The following SPTBN2 variants were observed in gnomAD, a reference collection of about 807,000 sequenced individuals.
SPTBN2 encodes the protein spectrin beta, non-erythrocytic 2.
A neutral mutation model predicts 284.2 loss-of-function variants in SPTBN2; 107 were observed. That is an observed-to-expected ratio of 0.38 (90% confidence interval 0.32 to 0.44). SPTBN2 has a LOEUF of 0.44. Ranked by LOEUF, SPTBN2 falls within the 20% of genes least tolerant of loss-of-function variation. The probability of loss-of-function intolerance (pLI) is 1.00; values close to 1 mark genes in which losing one functional copy is unlikely to be tolerated. For missense variants in SPTBN2, 2,569 were observed against 3,287.1 expected (o/e 0.78, Z 5.34); for synonymous variants, 1,289 against 1,354.8 (o/e 0.95, Z 1.07).
chr11:66,701,423 C>A, intron 16 of SPTBN2, 141 bp from the exon 17 acceptor site: 1 of 1,478,250 alleles, frequency 6.8e-7, no homozygotes. Context: ...TTGACCCCCT[C>A]TCTCATCTCT....
chr11:66,719,443 T>G (rs1392672057), intron 3 of SPTBN2, among the ~76,000 whole-genome samples: 1 of 152,252 alleles, frequency 6.6e-6, no homozygotes, highest in East Asian at 1.9e-4. Flanking sequence ...CAGTGTTTAT[T>G]TGACACCTAC....
Position 66,708,863 on chromosome 11 carries a change from C to T in SPTBN2, c.1191+39G>A. The T allele has an allele frequency of 6.4e-7, 1 of 1,566,638 alleles. No homozygotes were observed. Among genetic ancestry groups the T allele is most frequent in the East Asian group, 2.2e-5 (1 of 44,594 alleles). ...TGTGTGCAAGGCATCTGGGCCAGGG[C>T]CTGCCCTGAGGGTGGGTGGCCTGTG... On this transcript the variant is annotated intron_variant, in intron 11 of 37. Transcript: ENST00000533211. The surrounding 1 kb of genome is among the most constrained non-coding windows in gnomAD (Gnocchi z 4.4).
At chr11:66,701,896 GAACCCAC>G (rs1208242178) in intron 15 of SPTBN2, among the ~76,000 whole-genome samples, 175 bp from the exon 16 acceptor site, 1 of 151,944 alleles carries the variant, frequency 6.6e-6, no homozygotes, top group Non-Finnish European at 1.5e-5. Flanking sequence ...ATCAAGGAAG[GAACCCAC>G]AACTCCCCCA....
Position 66,687,158 on chromosome 11 carries a change from C to T in SPTBN2, c.6732G>A (p.Gln2244=). Residue 2244 remains glutamine (Q), a synonymous_variant, in exon 36 of 38, where the codon CAG becomes CAA. Transcript: ENST00000533211. This position sits in a 1 kb window ranked among gnomAD's most constrained non-coding sequence, Gnocchi z 5.2. ...CACGCCGCAGGACACAGTACACGTT[C>T]TGCCAGGACCTGCGAGGGACGCGGT... ...FGKKAANRSW[Q]NVYCVLRRGS... The T allele has an allele frequency of 6.2e-7, 1 of 1,613,936 alleles. No individual in the cohort carries two copies. Among genetic ancestry groups the T allele is most frequent in the Non-Finnish European group, 8.5e-7 (1 of 1,180,026 alleles).
chr11:66,718,423 A>G lies in SPTBN2; in HGVS notation c.158-2442T>C, dbSNP rs912655640. Among the ~76,000 whole-genome samples the G allele has an allele frequency of 6.6e-6, 1 of 152,164 alleles. No homozygotes were observed. The highest frequency in any genetic ancestry group is 2.1e-4 in the South Asian group (1 of 4,832). On this transcript the variant is annotated intron_variant, in intron 3 of 37. Coordinates refer to ENST00000533211, the MANE Select transcript of SPTBN2 (RefSeq NM_006946.4). The surrounding 1 kb of genome is among the most constrained non-coding windows in gnomAD (Gnocchi z 4.8). The stretch of plus-strand genomic sequence containing the variant: ...CTCGCCCAGGCACAGTCGTCCCCAC[A>G]GGGGGCCCCCGGGCCTCACCTTGCA...
intron 18 of SPTBN2, 29 bp downstream of exon 18, chr11:66,699,377 C>T (rs774748450): frequency 6.2e-7 from 1 of 1,610,692 alleles, no homozygotes. Context: ...CCCCTGGGAA[C>T]CCTAATTCAT....
Position 66,705,348 on chromosome 11 carries a change from A to G in SPTBN2, c.1928T>C (p.Leu643Pro). 6.2e-7 allele frequency: 1 copy of G among 1,611,354 alleles called. No homozygotes were observed. Residue 643 changes from leucine (L) to proline (P), a missense_variant, in exon 15 of 38, where the codon CTC (leucine) becomes CCC (proline). By Grantham distance (98) the Leu-to-Pro change is moderately conservative. Coordinates refer to ENST00000533211, the MANE Select transcript of SPTBN2 (RefSeq NM_006946.4). ...RRARLEESRR[L>P]WRFLWEVGEA... Reference sequence around the variant, plus strand: ...ACCCACCTCCCAGAGGAAACGCCAGAGCCGCCGTGATTCCTCCAGCCGGGC... The same window carrying G: ...ACCCACCTCCCAGAGGAAACGCCAGGGCCGCCGTGATTCCTCCAGCCGGGC...
chr11:66,693,512 C>T lies in SPTBN2; in HGVS notation c.4594-66G>A, dbSNP rs1187787332. ...CCCAGCCCCACGTGCTCCCGGAGAC[C>T]ACCCTTCACCCCTGTGCCTCTCTCC... On this transcript the variant is annotated intron_variant, in intron 23 of 37. Transcript: ENST00000533211. The surrounding 1 kb of genome is among the most constrained non-coding windows in gnomAD (Gnocchi z 5.7). 7 of 1,549,050 alleles carry T rather than the reference C, an allele frequency of 4.5e-6. No homozygotes were observed. Among genetic ancestry groups the T allele is most frequent in the South Asian group, 1.2e-5 (1 of 85,546 alleles).
rs140181639 is a variant in SPTBN2, at chr11:66,727,433, G to A, written c.-114+1308C>T. ...AAGCATGCAATGTCCTGGGGTCAAT[G>A]GGGTAAAGTTCCAAGCGAGTGGAAG... On this transcript the variant is annotated intron_variant, in intron 1 of 37. Transcript: ENST00000533211. Among the ~76,000 whole-genome samples, 6 of 152,340 alleles carry A rather than the reference G, an allele frequency of 3.9e-5. 1 individual carries two copies. Among genetic ancestry groups the A allele is most frequent in the African/African-American group, 1.4e-4 (6 of 41,576 alleles).
chr11:66,721,066 A>G lies in SPTBN2; in HGVS notation c.157+18T>C. On this transcript the variant is annotated intron_variant, in intron 3 of 37. Transcript: ENST00000533211. ...CCTCCTCCAGCATCCCCCCACCTCG[A>G]CCCTCCTCTGACCTCACCTGCCAGA... is the stretch of plus-strand genomic sequence containing the variant. 1.2e-6 allele frequency: 2 copies of G among 1,613,678 alleles called. No individual in the cohort carries two copies. The highest frequency in any genetic ancestry group is 1.7e-6 in the Non-Finnish European group (2 of 1,179,884).
chr11:66,714,003 G>T, intron 7 of SPTBN2, 88 bp downstream of exon 7: 1 of 1,359,574 alleles, frequency 7.4e-7, no homozygotes, highest in Non-Finnish European at 1.1e-6. Context: ...CTGCTGTGCA[G>T]CTCATCTCAT....
In SPTBN2 at chr11:66,693,735, C is replaced by T. The variant is rs1428509957; in HGVS notation, c.4593+37G>A. ...AACACGTCCAAGTCTGGGCAGGCTCCTGGGAACTTCTCTTTTGCCTTCAGC... is the reference window on the plus strand; with the variant it reads ...AACACGTCCAAGTCTGGGCAGGCTCTTGGGAACTTCTCTTTTGCCTTCAGC... On this transcript the variant is annotated intron_variant, in intron 23 of 37. Transcript: ENST00000533211. The surrounding 1 kb of genome is among the most constrained non-coding windows in gnomAD (Gnocchi z 5.7). 6.3e-7 allele frequency: 1 copy of T among 1,586,068 alleles called. No individual in the cohort carries two copies. The highest frequency in any genetic ancestry group is 8.6e-7 in the Non-Finnish European group (1 of 1,163,210).
chr11:66,720,998 C>T, intron 3 of SPTBN2, 86 bp downstream of exon 3: 3 of 1,574,076 alleles, frequency 1.9e-6, no homozygotes, highest in East Asian at 2.3e-5. Context: ...AAAAGTCAGT[C>T]TTCCCATAAA....
chr11:66,719,675 A>T (rs750274283), intron 3 of SPTBN2, among the ~76,000 whole-genome samples: 3 of 151,712 alleles, frequency 2.0e-5, no homozygotes, highest in African/African-American at 4.8e-5. Flanking sequence ...GAGTCCTGGG[A>T]GGCATGTGTC....
At position 66,694,255 on chromosome 11, in the gene SPTBN2, A is replaced by G. The variant is rs1940770280; in HGVS notation, c.4387T>C (p.Ser1463Pro). 1.2e-6 allele frequency: 2 copies of G among 1,614,120 alleles called. No homozygotes were observed. Among genetic ancestry groups the G allele is most frequent in the Non-Finnish European group, 1.7e-6 (2 of 1,180,016 alleles). Reference sequence around the variant, plus strand: ...CTGAACTTCTCCTCCACGGCCCTCGAGGTTCTCTCCACCTCCCCTGCACCC... The same window carrying G: ...CTGAACTTCTCCTCCACGGCCCTCGGGGTTCTCTCCACCTCCCCTGCACCC... ...DQGAGEVERT[S>P]RAVEEKFRAL... Residue 1463 changes from serine to proline, a missense_variant, in exon 22 of 38, where the codon TCG becomes CCG. Physicochemically the swap from Ser to Pro is moderately conservative, Grantham distance 74 (BLOSUM62 -1). This residue lies in a region of SPTBN2 where 1,130 missense variants were observed against 1,317.3 expected (regional missense o/e 0.86). Coordinates refer to ENST00000533211, the MANE Select transcript of SPTBN2 (RefSeq NM_006946.4).
intron 36 of SPTBN2, 41 bp downstream of exon 36, chr11:66,686,953 A>G (rs781278883): frequency 9.9e-6 from 16 of 1,611,880 alleles, no homozygotes; most frequent in Admixed American, 1.7e-5. Flanking sequence ...TGTCACTCCC[A>G]ACTCTCCTCC....
At chr11:66,736,584 G>A (rs1482942491) in intron 1 of SPTBN2, among the ~76,000 whole-genome samples, 1 of 152,146 alleles carries the variant, frequency 6.6e-6, no homozygotes, top group African/African-American at 2.4e-5. Context: ...TTGAGAAAGT[G>A]TCTTAATTTG....
At chr11:66,725,511 C>A (rs1198431773) in intron 1 of SPTBN2, among the ~76,000 whole-genome samples, 1 of 152,210 alleles carries the variant, frequency 6.6e-6, no homozygotes, top group African/African-American at 2.4e-5. Flanking sequence ...CACATTTCCT[C>A]AGTCGGCCAG....
Position 66,714,322 on chromosome 11 carries a change from G to A in SPTBN2, c.569C>T (p.Thr190Ile), listed in dbSNP as rs1255934393. The change falls in exon 6 of 38, where the codon ACT (threonine) becomes ATT (isoleucine). Residue 190 changes from threonine (T) to isoleucine (I), a missense_variant. Thr to Ile is a moderately conservative substitution (Grantham distance 89, BLOSUM62 -1). Transcript: ENST00000533211. ...DALLLWCQMK[T>I]AGYPNVNVHN... ...ACGCCCAGGGTGTCCTCACCCTGCA[G>A]TCTTCATCTGGCACCACAGAAGCAG... 3 of 1,614,004 alleles carry A rather than the reference G, an allele frequency of 1.9e-6. No individual in the cohort carries two copies. Among genetic ancestry groups the A allele is most frequent in the Non-Finnish European group, 2.5e-6 (3 of 1,179,994 alleles).
Sources: allele counts gnomAD v4.1 joint callset (sites outside exome capture counted in the v4.1 genomes callset), GRCh38; gene constraint gnomAD v4.1.1; regional missense constraint gnomAD v4.1.1; non-coding constraint Gnocchi (gnomAD v3.1); transcripts MANE v1.5; gene names NCBI Gene and HGNC (gene_info 2026-07-23, HGNC 2026-07-21).